LHFPL4: variants seen among roughly 807,000 people sequenced by gnomAD.
LHFPL4 encodes the protein LHFPL tetraspan subfamily member 4, also known as LHFPL tetraspan subfamily member 4 protein.
Under a neutral mutation model 20.0 loss-of-function variants are expected in LHFPL4, and 6 were observed. The observed-to-expected ratio is 0.30, with a 90% CI of 0.16 to 0.59. LHFPL4 has a LOEUF of 0.59. Ranked by LOEUF, LHFPL4 falls within the 20% of genes least tolerant of loss-of-function variation. LHFPL4 has a pLI of 0.88. For synonymous variants in LHFPL4, 129 were observed against 143.8 expected, an observed-to-expected ratio of 0.90 and a Z score of 0.74; for missense variants, 215 against 331.2, an observed-to-expected ratio of 0.65 and a Z score of 2.72.
rs139001506 is a variant in LHFPL4 at position 9,530,217 on chromosome 3, C to T, written c.406+22057G>A. 2.0e-5 allele frequency among the ~76,000 whole-genome samples: 3 copies of T among 152,264 alleles called. No homozygotes were observed. In the East Asian group the frequency reaches 5.8e-4, roughly 29 times the overall value. ...ACTTCTCCTCTCTAGCTATAAAAGA[C>T]CTAGATGGCATCTTCTTCCAACAGA... is the stretch of plus-strand genomic sequence containing the variant. On this transcript the variant is annotated intron_variant, in intron 2 of 3. Transcript: ENST00000287585.
intron 2 of LHFPL4, among the ~76,000 whole-genome samples, chr3:9,519,138 C>T (rs1270344901): frequency 6.6e-6 from 1 of 152,028 alleles, no homozygotes; most frequent in East Asian, 1.9e-4. Context: ...GGGGCTTCTC[C>T]ATGTTGCCCA....
chr3:9,544,759 C>T (rs1281331843), intron 2 of LHFPL4, among the ~76,000 whole-genome samples: 1 of 152,164 alleles, frequency 6.6e-6, no homozygotes, highest in African/African-American at 2.4e-5. Flanking sequence ...TGCTTAGAGT[C>T]CCCAGATACA....
intron 2 of LHFPL4, among the ~76,000 whole-genome samples, chr3:9,513,259 C>T (rs1574840214): frequency 6.6e-6 from 1 of 152,122 alleles, no homozygotes; most frequent in East Asian, 1.9e-4. Flanking sequence ...CGCGCCCGGC[C>T]TGGACATTTG....
chr3:9,515,593 C>T (rs186424220), intron 2 of LHFPL4, among the ~76,000 whole-genome samples: 28 of 152,148 alleles, frequency 1.8e-4, no homozygotes, highest in Admixed American at 1.4e-3. Flanking sequence ...AGGCTGGTCT[C>T]GAACTTGACC....
rs566710957 is a variant in LHFPL4, at chr3:9,553,739, C to T, written c.-223G>A. The T allele has an allele frequency of 6.6e-6, 1 of 150,798 alleles. No individual in the cohort carries two copies. The highest frequency in any genetic ancestry group is 2.1e-4 in the South Asian group (1 of 4,844). The allele number at this position is 150,798 out of a possible 1,614,324, so 9.3% of individuals were successfully genotyped here. A position where few individuals can be genotyped will look rare whatever the true frequency, so the allele number is the denominator to read the frequency against. On this transcript the variant is annotated 5_prime_UTR_variant, in exon 1 of 4. Transcript: ENST00000287585. The stretch of plus-strand genomic sequence containing the variant: ...GACTGGCACGGCCTAGGCGCCGCGG[C>T]TCGGCGCTCCCAGCAGCGGCTGCCT...
At chr3:9,521,863 T>C (rs1288875625) in intron 2 of LHFPL4, among the ~76,000 whole-genome samples, 1 of 152,162 alleles carries the variant, frequency 6.6e-6, no homozygotes, top group East Asian at 1.9e-4. Context: ...ATTGGTGGAT[T>C]TAGACCATTA....
intron 2 of LHFPL4, among the ~76,000 whole-genome samples, chr3:9,522,401 G>C (rs1239812032): frequency 2.0e-5 from 3 of 152,080 alleles, no homozygotes; most frequent in African/African-American, 7.2e-5. Flanking sequence ...AAACACTGTT[G>C]CTCTATTTTA....
At chr3:9,543,770 A>C (rs1574855041) in intron 2 of LHFPL4, among the ~76,000 whole-genome samples, 1 of 116,938 alleles carries the variant, frequency 8.6e-6, no homozygotes, top group African/African-American at 3.4e-5. Flanking sequence ...TCACTCTGTC[A>C]CCCAGGCTGG....
intron 2 of LHFPL4, among the ~76,000 whole-genome samples, chr3:9,523,394 GA>G (rs564094075): frequency 0.052 from 3,327 of 64,418 alleles, 124 homozygotes; most frequent in African/African-American, 0.14. Context: ...AAAAGAAAAA[GA>G]AAAAAAAAAA....
intron 2 of LHFPL4, among the ~76,000 whole-genome samples, chr3:9,518,754 T>C (rs906673225): frequency 6.7e-6 from 1 of 150,230 alleles, no homozygotes; most frequent in East Asian, 2.0e-4. Context: ...GATGTTTTTT[T>C]GTTCATTTCT....
chr3:9,552,468 G>A lies in LHFPL4; in HGVS notation c.212C>T (p.Ala71Val). Residue 71 changes from alanine (A) to valine (V), a missense_variant, in exon 2 of 4, where the codon GCG becomes GTG. Around this residue, in one of 2 missense-constraint regions of LHFPL4, gnomAD observed 164 missense variants for 286.7 expected, o/e 0.57. Coordinates refer to ENST00000287585, the MANE Select transcript of LHFPL4 (RefSeq NM_198560.3). ...LFHYCVGSGL[A>V]GRELTCRGSF... ...GCCCCGGCAGGTGAGCTCGCGGCCCGCCAGCCCGCTGCCCACGCAGTAGTG... is the reference window on the plus strand; with the variant it reads ...GCCCCGGCAGGTGAGCTCGCGGCCCACCAGCCCGCTGCCCACGCAGTAGTG... 6.2e-7 allele frequency: 1 copy of A among 1,612,968 alleles called. No individual in the cohort carries two copies. Among genetic ancestry groups the A allele is most frequent in the Non-Finnish European group, 8.5e-7 (1 of 1,179,598 alleles).
At chr3:9,531,341 T>C (rs552834231) in intron 2 of LHFPL4, among the ~76,000 whole-genome samples, 15 of 152,078 alleles carry the variant, frequency 9.9e-5, no homozygotes, top group Non-Finnish European at 2.1e-4. Flanking sequence ...AAATACAATA[T>C]CTGTAAAGCA....
chr3:9,498,986 C>T lies in LHFPL4; in HGVS notation c.*3225G>A, dbSNP rs1320100469. On this transcript the variant is annotated 3_prime_UTR_variant, in exon 4 of 4. Coordinates refer to ENST00000287585, the MANE Select transcript of LHFPL4 (RefSeq NM_198560.3). Reference sequence around the variant, plus strand: ...AGACTGTGGGCCAGGGACTGAACCACCCCTAGGCTGTGGCTGCCGTGGCCT... The same window carrying T: ...AGACTGTGGGCCAGGGACTGAACCATCCCTAGGCTGTGGCTGCCGTGGCCT... 1 of 152,416 alleles carries T rather than the reference C, an allele frequency of 6.6e-6. No individual in the cohort carries two copies. Among genetic ancestry groups the T allele is most frequent in the African/African-American group, 2.4e-5 (1 of 41,460 alleles). 9.4% of individuals were successfully genotyped at this position (152,416 alleles called of 1,614,324 possible).
intron 3 of LHFPL4, among the ~76,000 whole-genome samples, chr3:9,503,242 A>G (rs1368825225): frequency 1.3e-5 from 2 of 152,110 alleles, no homozygotes. Flanking sequence ...GGGCTCCTTT[A>G]CATTGATTTT....
chr3:9,515,698 A>T (rs947126421), intron 2 of LHFPL4, among the ~76,000 whole-genome samples: 6 of 150,778 alleles, frequency 4.0e-5, no homozygotes, highest in Non-Finnish European at 8.8e-5. Flanking sequence ...TATTTTAGAT[A>T]ACAGTCCTTT....
intron 2 of LHFPL4, among the ~76,000 whole-genome samples, chr3:9,544,550 G>A (rs1015993595): frequency 1.3e-5 from 2 of 152,066 alleles, no homozygotes; most frequent in East Asian, 1.9e-4. Flanking sequence ...GCGTGAACCC[G>A]GGAGGCAGAG....
At chr3:9,517,463 G>A (rs931113078) in intron 2 of LHFPL4, among the ~76,000 whole-genome samples, 17 of 151,540 alleles carry the variant, frequency 1.1e-4, no homozygotes, top group African/African-American at 4.1e-4. Context: ...TCATTTTGGG[G>A]GTGGTAATTA....
chr3:9,553,189 G>A (rs928982334), intron 1 of LHFPL4, among the ~76,000 whole-genome samples: 7 of 151,534 alleles, frequency 4.6e-5, no homozygotes, highest in Non-Finnish European at 1.0e-4. Context: ...TCTGGTATTG[G>A]GTGTCTAGCA....
At chr3:9,503,984 C>T (rs554592142) in intron 3 of LHFPL4, among the ~76,000 whole-genome samples, 1 of 152,228 alleles carries the variant, frequency 6.6e-6, no homozygotes, top group African/African-American at 2.4e-5. Flanking sequence ...TATGATTGCA[C>T]CACTGCACTC....
Sources: allele counts gnomAD v4.1 joint callset (sites outside exome capture counted in the v4.1 genomes callset), GRCh38; gene constraint gnomAD v4.1.1; regional missense constraint gnomAD v4.1.1; transcripts MANE v1.5; gene names NCBI Gene and HGNC (gene_info 2026-07-23, HGNC 2026-07-21).